Variants in SPDYE1 observed in about 807,000 individuals in gnomAD.
The protein encoded by SPDYE1 is speedy protein E1.
In SPDYE1, 29 loss-of-function variants were observed where a neutral mutation model predicts 45.9. The observed-to-expected ratio is 0.63, with a 90% CI of 0.47 to 0.86. The LOEUF is 0.86. Among genes scored for constraint, SPDYE1 ranks in the 40% least tolerant of loss-of-function variants. SPDYE1 has a pLI of 0.00. For missense variants in SPDYE1, 346 were observed against 481.4 expected (o/e 0.72, Z 2.63); for synonymous variants, 134 against 176.8 (o/e 0.76, Z 1.92).
rs143081264 is a variant in SPDYE1 at position 44,007,389 on chromosome 7, C to T, written c.874C>T (p.Arg292Cys). 466 of 1,612,648 alleles carry T rather than the reference C, an allele frequency of 2.9e-4. No homozygotes were observed. The highest frequency in any genetic ancestry group is 3.8e-4 in the Non-Finnish European group (450 of 1,179,474). ...LLRKRRFQLY[R>C]SMNPRARKNR... ...CCGTAAGCGTCGGTTCCAGTTATAC[C>T]GTTCCATGAACCCGAGGGCCAGGAA... The change falls in exon 7 of 9, where the codon CGT (arginine) becomes TGT (cysteine). Residue 292 changes from arginine to cysteine, a missense_variant. Arg to Cys is a radical substitution (Grantham distance 180). Around this residue, in one of 4 missense-constraint regions of SPDYE1, gnomAD observed 186 missense variants for 219.1 expected, o/e 0.85. Transcript: ENST00000693451.
intron 1 of SPDYE1, among the ~76,000 whole-genome samples, chr7:43,998,339 A>T (rs1287256210): frequency 6.6e-6 from 1 of 151,320 alleles, no homozygotes; most frequent in African/African-American, 2.4e-5. Context: ...TTTGAGATGG[A>T]GTTTTGCTCT....
Position 44,007,390 on chromosome 7 carries a change from G to A in SPDYE1, c.875G>A (p.Arg292His), listed in dbSNP as rs200533214. 91 of 1,612,558 alleles carry A rather than the reference G, an allele frequency of 5.6e-5. No homozygotes were observed. The highest frequency in any genetic ancestry group is 6.9e-5 in the Non-Finnish European group (81 of 1,179,450). The change falls in exon 7 of 9, where the codon CGT (arginine) becomes CAT (histidine). Residue 292 changes from arginine to histidine, a missense_variant. By Grantham distance (29) the Arg-to-His change is conservative (BLOSUM62 0). Coordinates refer to ENST00000693451, the MANE Select transcript of SPDYE1 (RefSeq NM_001378423.2). The stretch of plus-strand genomic sequence containing the variant: ...CGTAAGCGTCGGTTCCAGTTATACC[G>A]TTCCATGAACCCGAGGGCCAGGAAG... ...LLRKRRFQLY[R>H]SMNPRARKNR...
chr7:43,998,558 A>G (rs2096058489), intron 1 of SPDYE1, among the ~76,000 whole-genome samples: 1 of 129,948 alleles, frequency 7.7e-6, no homozygotes, highest in Non-Finnish European at 1.6e-5. Flanking sequence ...CAAGTGATCC[A>G]CCCACTTTGG....
At chr7:44,001,028 G>A (rs1402475525) in intron 2 of SPDYE1, 38 bp from the exon 3 acceptor site, 2 of 1,597,284 alleles carry the variant, frequency 1.3e-6, no homozygotes, top group African/African-American at 1.3e-5. Context: ...GTGATCAGAT[G>A]CAGAAGCATT....
chr7:44,008,595 A>G, intron 8 of SPDYE1, 72 bp from the exon 9 acceptor site: 2 of 1,192,908 alleles, frequency 1.7e-6, no homozygotes, highest in Non-Finnish European at 2.1e-6. Context: ...TAGACTTGAC[A>G]TGGGATGTGA....
intron 3 of SPDYE1, 52 bp from the exon 4 acceptor site, chr7:44,002,538 T>C (rs1365388143): frequency 8.4e-6 from 13 of 1,540,500 alleles, no homozygotes; most frequent in South Asian, 2.3e-5. Flanking sequence ...GGTCGGGCTC[T>C]AGTGTGATCA....
rs1167094470 is a variant in SPDYE1, at chr7:44,009,033, T to C, written c.*412T>C. 2.9e-6 allele frequency: 1 copy of C among 348,784 alleles called. No individual in the cohort carries two copies. Among genetic ancestry groups the C allele is most frequent in the African/African-American group, 2.2e-5 (1 of 45,472 alleles). 21.6% of individuals were successfully genotyped at this position (348,784 alleles called of 1,614,324 possible). ...AGTCCAGGAGCATTTGAAGGCACAA[T>C]GCAGGGGCTCAGATTGGCACAGAAT... On this transcript the variant is annotated 3_prime_UTR_variant, in exon 9 of 9. Coordinates refer to ENST00000693451, the MANE Select transcript of SPDYE1 (RefSeq NM_001378423.2).
chr7:44,005,420 G>A lies in SPDYE1; in HGVS notation c.752+193G>A, dbSNP rs1277825123. 4.6e-6 allele frequency: 4 copies of A among 871,992 alleles called. No homozygotes were observed. The East Asian group carries it at 8.4e-5, about 18-fold the overall frequency. The allele number at this position is 871,992 out of a possible 1,614,324, so 54.0% of individuals were successfully genotyped here. A position where few individuals can be genotyped will look rare whatever the true frequency, so the allele number is the denominator to read the frequency against. On this transcript the variant is annotated intron_variant, in intron 6 of 8. Transcript: ENST00000693451. ...AGGCTGGGCACAGTGGAATACGCCT[G>A]TAATCCCAGCACTTTGGGAGGCCGA...
At position 43,999,167 on chromosome 7, in the gene SPDYE1, T is replaced by C. The variant is rs183162326; in HGVS notation, c.-422-361T>C. On this transcript the variant is annotated intron_variant, in intron 1 of 8. Coordinates refer to ENST00000693451, the MANE Select transcript of SPDYE1 (RefSeq NM_001378423.2). ...GGATTCCCTGAAATTGGGGACACCA[T>C]TGGAAATATGTGTGAGCTCCATTGG... 3.9e-3 allele frequency among the ~76,000 whole-genome samples: 597 copies of C among 152,290 alleles called. 3 individuals carry two copies. The highest frequency in any genetic ancestry group is 0.014 in the African/African-American group (564 of 41,548).
chr7:43,999,305 G>A (rs1245177647), intron 1 of SPDYE1, among the ~76,000 whole-genome samples: 3 of 152,260 alleles, frequency 2.0e-5, no homozygotes, highest in East Asian at 3.9e-4. Context: ...ACAGAATCTT[G>A]GACAGTGAAT....
chr7:44,002,319 C>CAAAAAAAAAAAAA (rs57275170), intron 3 of SPDYE1, among the ~76,000 whole-genome samples: 1 of 43,322 alleles, frequency 2.3e-5, no homozygotes, highest in African/African-American at 8.5e-5. Context: ...ACAACAACAA[C>CAAAAAAAAAAAAA]AAAAAAAAAA....
rs752122906 is a variant in SPDYE1 at position 44,007,597 on chromosome 7, C to T, written c.1071+11C>T. ...GAGGAGTTGGAGGAGGTGAGTGGGG[C>T]CTGGGGAGGTGGAGGAGGTGGGGAG... On this transcript the variant is annotated intron_variant, in intron 7 of 8. Coordinates refer to ENST00000693451, the MANE Select transcript of SPDYE1 (RefSeq NM_001378423.2). 2 of 1,612,676 alleles carry T rather than the reference C, an allele frequency of 1.2e-6. No homozygotes were observed. The highest frequency in any genetic ancestry group is 1.7e-6 in the Non-Finnish European group (2 of 1,179,992).
chr7:43,998,582 TG>T lies in SPDYE1; in HGVS notation c.-423+626del, dbSNP rs1048499068. 7.6e-4 allele frequency among the ~76,000 whole-genome samples: 90 copies of T among 119,048 alleles called. 3 individuals carry two copies. The highest frequency in any genetic ancestry group is 2.4e-3 in the African/African-American group (71 of 29,628). The allele number at this position is 119,048 out of a possible 152,430, so 78.1% of individuals were successfully genotyped here. A position where few individuals can be genotyped will look rare whatever the true frequency, so the allele number is the denominator to read the frequency against. Reference sequence around the variant, plus strand: ...CACCCACTTTGGCCTCCCAAAGTGCTGGGATTACAGGCATGAGCCACTGAGC... The same window carrying T: ...CACCCACTTTGGCCTCCCAAAGTGCTGGATTACAGGCATGAGCCACTGAGC... On this transcript the variant is annotated intron_variant, in intron 1 of 8. Coordinates refer to ENST00000693451, the MANE Select transcript of SPDYE1 (RefSeq NM_001378423.2).
intron 6 of SPDYE1, among the ~76,000 whole-genome samples, chr7:44,006,267 GAA>G (rs910375002): frequency 1.1e-4 from 17 of 151,836 alleles, no homozygotes; most frequent in Admixed American, 3.9e-4. Context: ...CCCATTCCTT[GAA>G]GTCAGTTCAC....
intron 6 of SPDYE1, among the ~76,000 whole-genome samples, chr7:44,006,862 C>A (rs1340760011): frequency 6.6e-6 from 1 of 152,260 alleles, no homozygotes; most frequent in Non-Finnish European, 1.5e-5. Flanking sequence ...GATCCACCTG[C>A]TTCAGCCTTC....
At chr7:44,007,868 C>T in intron 8 of SPDYE1, 55 bp downstream of exon 8, 1 of 1,583,112 alleles carries the variant, frequency 6.3e-7, no homozygotes, top group South Asian at 1.1e-5. Context: ...TTTCGGAAAT[C>T]CGAAGAACCC....
Position 44,008,837 on chromosome 7 carries a change from TGG to T in SPDYE1, c.*221_*222del. 1 of 330,298 alleles carries T rather than the reference TGG, an allele frequency of 3.0e-6. No homozygotes were observed. The highest frequency in any genetic ancestry group is 3.2e-5 in the Admixed American group (1 of 31,030). The allele number at this position is 330,298 out of a possible 1,614,324, so 20.5% of individuals were successfully genotyped here. A position where few individuals can be genotyped will look rare whatever the true frequency, so the allele number is the denominator to read the frequency against. ...CACGTTGTCCTCCTAGGAGCAGGGG[TGG>T]GGGGAGGGGGATGGGGTCCTTCTAG... On this transcript the variant is annotated 3_prime_UTR_variant, in exon 9 of 9. Coordinates refer to ENST00000693451, the MANE Select transcript of SPDYE1 (RefSeq NM_001378423.2).
At position 44,004,188 on chromosome 7, in the gene SPDYE1, C is replaced by T. The variant is rs1412366467; in HGVS notation, c.666+277C>T. 7.7e-5 allele frequency: 42 copies of T among 546,860 alleles called. 1 individual carries two copies. The highest frequency in any genetic ancestry group is 1.3e-4 in the East Asian group (4 of 31,730). 33.9% of individuals were successfully genotyped at this position (546,860 alleles called of 1,614,324 possible). ...CAGCTGGGATTACAGACATGAACCA[C>T]CACGCCTGGCTAATTTTTGTGTTTT... On this transcript the variant is annotated intron_variant, in intron 5 of 8. Transcript: ENST00000693451.
Position 44,002,807 on chromosome 7 carries a change from C to T in SPDYE1, c.597C>T (p.Asn199=). Residue 199 remains asparagine (N), a synonymous_variant, in exon 4 of 9, where the codon AAC becomes AAT. Transcript: ENST00000693451. ...LVLPEHHEAF[N]RLLEDPVIKR... ...TCCCTGAGCACCACGAGGCCTTCAA[C>T]AGGCTGCTTGGTAGGAGGACACCCC... 1.3e-6 allele frequency: 2 copies of T among 1,509,418 alleles called. No homozygotes were observed. Among genetic ancestry groups the T allele is most frequent in the Non-Finnish European group, 1.8e-6 (2 of 1,138,308 alleles). 93.5% of individuals were successfully genotyped at this position (1,509,418 alleles called of 1,614,324 possible).
Sources: gnomAD v4.1 joint callset for allele counts (sites outside exome capture counted in the v4.1 genomes callset) on GRCh38, gnomAD v4.1.1 for gene constraint, gnomAD v4.1.1 regional missense constraint, MANE v1.5 for transcripts, NCBI Gene and HGNC (gene_info 2026-07-23, HGNC 2026-07-21) for gene names.